The following ASIC2 variants were observed in gnomAD, a reference collection of about 807,000 sequenced individuals.
ASIC2 encodes the protein acid-sensing ion channel 2.
A neutral mutation model predicts 57.3 loss-of-function variants in ASIC2; 25 were observed. The ratio of observed to expected loss-of-function variants is 0.44; its 90% CI spans 0.32 to 0.61. The LOEUF (loss-of-function observed/expected upper bound fraction) is 0.61. ASIC2 is among the 20% of genes least tolerant of loss of function. The pLI is 0.06. For missense variants in ASIC2, 641 were observed against 738.1 expected, an observed-to-expected ratio of 0.87 and a Z score of 1.52; for synonymous variants, 319 against 307.5, an observed-to-expected ratio of 1.04 and a Z score of -0.39.
At chr17:33,861,600 T>A (rs1165343981) in intron 1 of ASIC2, among the ~76,000 whole-genome samples, 3 of 152,218 alleles carry the variant, frequency 2.0e-5, no homozygotes, top group Admixed American at 1.3e-4. Context: ...TTTCTTTATG[T>A]CTGACACCAG....
At chr17:33,239,290 CA>C (rs201050421) in intron 1 of ASIC2, among the ~76,000 whole-genome samples, 26 of 145,522 alleles carry the variant, frequency 1.8e-4, no homozygotes, top group East Asian at 1.0e-3. Flanking sequence ...GACTCCGTCT[CA>C]AAAAAAAAAA....
chr17:33,930,163 A>T (rs541932503), intron 1 of ASIC2, among the ~76,000 whole-genome samples: 2 of 152,376 alleles, frequency 1.3e-5, no homozygotes, highest in East Asian at 3.9e-4. Flanking sequence ...TGCAAACATC[A>T]GTAATTCGTC....
At chr17:33,092,289 C>A (rs1479337840) in intron 2 of ASIC2, among the ~76,000 whole-genome samples, 1 of 152,252 alleles carries the variant, frequency 6.6e-6, no homozygotes, top group Non-Finnish European at 1.5e-5. Context: ...AGATTGCTTT[C>A]CAGGTTGGTA....
At chr17:33,939,771 G>T (rs1916145707) in intron 1 of ASIC2, among the ~76,000 whole-genome samples, 1 of 152,220 alleles carries the variant, frequency 6.6e-6, no homozygotes, top group Non-Finnish European at 1.5e-5. Flanking sequence ...CAGAGCAGGG[G>T]TGTGGCCAGC....
intron 1 of ASIC2, among the ~76,000 whole-genome samples, chr17:34,049,138 A>G (rs1908448175): frequency 6.6e-6 from 1 of 151,842 alleles, no homozygotes; most frequent in East Asian, 1.9e-4. Context: ...CAAAAAAATT[A>G]AAAATTAGCC....
intron 2 of ASIC2, among the ~76,000 whole-genome samples, chr17:33,101,537 A>T (rs1282951282): frequency 6.6e-6 from 1 of 151,950 alleles, no homozygotes; most frequent in East Asian, 1.9e-4. Context: ...ACTGCTTGAG[A>T]TTTATTTCTT....
chr17:33,665,524 A>T (rs1283635531), intron 1 of ASIC2, among the ~76,000 whole-genome samples: 1 of 152,232 alleles, frequency 6.6e-6, no homozygotes, highest in Non-Finnish European at 1.5e-5. Flanking sequence ...GAACAAATTA[A>T]CAATCTTTTA....
At chr17:33,174,835 G>C (rs1261478416) in intron 1 of ASIC2, among the ~76,000 whole-genome samples, 1 of 152,136 alleles carries the variant, frequency 6.6e-6, no homozygotes, top group East Asian at 1.9e-4. Flanking sequence ...CAAGAAATGA[G>C]CTTGTGTTGT....
In ASIC2 at chr17:33,449,771, C is replaced by A. The variant is rs185285439; in HGVS notation, c.556-337704G>T. Reference sequence around the variant, plus strand: ...GATTCACAGAATAATTTTCTTTTTTCTTTTCTTTTTTTTTTTTAATTGAGA... The same window carrying A: ...GATTCACAGAATAATTTTCTTTTTTATTTTCTTTTTTTTTTTTAATTGAGA... On this transcript the variant is annotated intron_variant, in intron 1 of 9. Transcript: ENST00000359872. 6.1e-5 allele frequency among the ~76,000 whole-genome samples: 9 copies of A among 147,350 alleles called. No homozygotes were observed. In the East Asian group the frequency reaches 1.8e-3, roughly 30 times the overall value.
chr17:33,276,630 G>T (rs1248466012), intron 1 of ASIC2, among the ~76,000 whole-genome samples: 2 of 152,164 alleles, frequency 1.3e-5, no homozygotes, highest in Non-Finnish European at 2.9e-5. Flanking sequence ...CCTTTTGGAG[G>T]TATGTGACTC....
At chr17:34,105,905 T>C (rs1288382885) in intron 1 of ASIC2, among the ~76,000 whole-genome samples, 2 of 152,096 alleles carry the variant, frequency 1.3e-5, no homozygotes, top group African/African-American at 4.8e-5. Flanking sequence ...ATTCATACAT[T>C]TACATTTATG....
chr17:33,456,212 C>T (rs1304327667), intron 1 of ASIC2, among the ~76,000 whole-genome samples: 1 of 152,100 alleles, frequency 6.6e-6, no homozygotes, highest in Non-Finnish European at 1.5e-5. Flanking sequence ...GATTGATTTC[C>T]CAGGCTTTGC....
chr17:33,563,854 C>A (rs921486893), intron 1 of ASIC2, among the ~76,000 whole-genome samples: 4 of 152,164 alleles, frequency 2.6e-5, no homozygotes, highest in Admixed American at 2.6e-4. Context: ...GGCCACCTGC[C>A]TTATTTCTTG....
intron 1 of ASIC2, among the ~76,000 whole-genome samples, chr17:33,409,241 C>T (rs994419333): frequency 7.9e-5 from 12 of 152,016 alleles, no homozygotes; most frequent in African/African-American, 2.7e-4. Context: ...AAAAAAAGTT[C>T]CACTCCTGCA....
chr17:33,696,952 G>A lies in ASIC2; in HGVS notation c.555+459026C>T, dbSNP rs190266672. On this transcript the variant is annotated intron_variant, in intron 1 of 9. Transcript: ENST00000359872. ...TAATATTGGACGTGGGGCCTGGCAG[G>A]AGGTGATTGGATCATGAGGACAGAT... Among the ~76,000 whole-genome samples, 872 of 152,240 alleles carry A rather than the reference G, an allele frequency of 5.7e-3. 22 individuals are homozygous for A. Among genetic ancestry groups the A allele is most frequent in the Admixed American group, 0.046 (707 of 15,294 alleles).
chr17:33,860,385 G>A (rs1385491048), intron 1 of ASIC2, among the ~76,000 whole-genome samples: 2 of 152,194 alleles, frequency 1.3e-5, no homozygotes, highest in African/African-American at 4.8e-5. Context: ...GACCATCTAT[G>A]CAGTCAGATT....
intron 1 of ASIC2, among the ~76,000 whole-genome samples, chr17:33,714,100 T>A (rs757075280): frequency 6.6e-6 from 1 of 152,136 alleles, no homozygotes; most frequent in Non-Finnish European, 1.5e-5. Context: ...GTGCATGTTG[T>A]TTGAATATAA....
intron 1 of ASIC2, among the ~76,000 whole-genome samples, chr17:33,331,472 T>C (rs563412070): frequency 1.3e-5 from 2 of 152,338 alleles, no homozygotes; most frequent in South Asian, 2.1e-4. Flanking sequence ...TTTAAAATCA[T>C]AGCTATTTCT....
chr17:33,120,580 C>A (rs1210482214), intron 1 of ASIC2, among the ~76,000 whole-genome samples: 2 of 152,180 alleles, frequency 1.3e-5, no homozygotes, highest in South Asian at 2.1e-4. Flanking sequence ...TCCCTCCTGA[C>A]AACTCATCTG....
Sources: allele counts gnomAD v4.1 joint callset (sites outside exome capture counted in the v4.1 genomes callset), GRCh38; gene constraint gnomAD v4.1.1; transcripts MANE v1.5; gene names NCBI Gene and HGNC (gene_info 2026-07-23, HGNC 2026-07-21).